PCDHGA11: variants seen among roughly 807,000 people sequenced by gnomAD.
PCDHGA11 encodes protocadherin gamma-A11.
A neutral mutation model predicts 60.4 loss-of-function variants in PCDHGA11; 39 were observed. The observed-to-expected ratio is 0.65, with a 90% CI of 0.50 to 0.84. The LOEUF is 0.84. Ranked by LOEUF, PCDHGA11 falls within the 40% of genes least tolerant of loss-of-function variation. The pLI, the probability that PCDHGA11 is intolerant of heterozygous loss-of-function variation, is 0.00. For missense variants in PCDHGA11, 1,165 were observed against 1,197.7 expected (o/e 0.97, Z 0.40); for synonymous variants, 533 against 510.3 (o/e 1.04, Z -0.60).
rs1471863168 is a variant in PCDHGA11, at chr5:141,476,550, G to A, written c.2434-18257G>A. ...ACCCAGGAAATGAAATTGGAGATTA[G>A]CGAGGCCGTGGCTCCGGGGACGCGC... On this transcript the variant is annotated intron_variant, in intron 1 of 3. Transcript: ENST00000398587. The surrounding 1 kb of genome is among the most constrained non-coding windows in gnomAD (Gnocchi z 7.6). 1.2e-6 allele frequency: 2 copies of A among 1,614,110 alleles called. No individual in the cohort carries two copies. The highest frequency in any genetic ancestry group is 4.5e-5 in the East Asian group (2 of 44,884).
Position 141,489,068 on chromosome 5 carries a change from G to GC in PCDHGA11, c.2434-5736dup. ...CTCAAATTCAGCTCCCCTCCCCCCT[G>GC]CCCACCCCCGCCACTCGGTGACTAA... On this transcript the variant is annotated intron_variant, in intron 1 of 3. Transcript: ENST00000398587. The surrounding 1 kb of genome is among the most constrained non-coding windows in gnomAD (Gnocchi z 4.5). 3 of 291,558 alleles carry GC rather than the reference G, an allele frequency of 1.0e-5. No homozygotes were observed. Among genetic ancestry groups the GC allele is most frequent in the Admixed American group, 5.4e-5 (1 of 18,530 alleles). 18.1% of individuals were successfully genotyped at this position (291,558 alleles called of 1,614,324 possible).
chr5:141,422,480 G>A lies in PCDHGA11; in HGVS notation c.1253G>A (p.Ser418Asn). 2 of 1,613,906 alleles carry A rather than the reference G, an allele frequency of 1.2e-6. No individual in the cohort carries two copies. Among genetic ancestry groups the A allele is most frequent in the South Asian group, 2.2e-5 (2 of 91,082 alleles). Residue 418 changes from serine (S) to asparagine (N), a missense_variant, in exon 1 of 4, where the codon AGC becomes AAC. Transcript: ENST00000398587. ...GTGCTGGACAGGGAGTTGGTCCAGA[G>A]CTACAATATAACGTTGACAGCCACA... ...SRVLDRELVQSYNITLTATDQ... is the reference protein window; with the variant it reads ...SRVLDRELVQNYNITLTATDQ...
chr5:141,466,573 C>T (rs2099125317), intron 1 of PCDHGA11, among the ~76,000 whole-genome samples: 1 of 152,104 alleles, frequency 6.6e-6, no homozygotes, highest in South Asian at 2.1e-4. Context: ...TCAACATTGT[C>T]TCATCCCTTC....
At chr5:141,433,358 C>CCTAT (rs3074541) in intron 1 of PCDHGA11, 148,925 of 502,316 alleles carry the variant, frequency 0.3, 18,760 homozygotes, top group East Asian at 0.33. Flanking sequence ...CTACTGTCTG[C>CCTAT]CTATCTATCT....
intron 2 of PCDHGA11, among the ~76,000 whole-genome samples, chr5:141,502,783 G>A (rs2099816035): frequency 6.6e-6 from 1 of 151,652 alleles, no homozygotes; most frequent in African/African-American, 2.4e-5. Context: ...AAAATTACCT[G>A]GATGATTTCT....
chr5:141,474,608 T>G (rs1469173973), intron 1 of PCDHGA11, among the ~76,000 whole-genome samples: 1 of 152,268 alleles, frequency 6.6e-6, no homozygotes, highest in Non-Finnish European at 1.5e-5. Flanking sequence ...AGGTCACATA[T>G]GGCTTTTCAT....
At chr5:141,492,834 G>T (rs544218873) in intron 1 of PCDHGA11, among the ~76,000 whole-genome samples, 36 of 152,332 alleles carry the variant, frequency 2.4e-4, no homozygotes, top group Non-Finnish European at 4.1e-4. Flanking sequence ...CCTTCCTCCC[G>T]CAGGAAGTGA....
In PCDHGA11 at chr5:141,431,463, C is replaced by T. The variant is rs139195027; in HGVS notation, c.2433+7803C>T. Reference sequence around the variant, plus strand: ...CGCATCCGCGTGATGGTTCTGGATGCGAACGACAACGCACCAGCGTTTGCT... The same window carrying T: ...CGCATCCGCGTGATGGTTCTGGATGTGAACGACAACGCACCAGCGTTTGCT... On this transcript the variant is annotated intron_variant, in intron 1 of 3. Transcript: ENST00000398587. The surrounding 1 kb of genome is among the most constrained non-coding windows in gnomAD (Gnocchi z 4.8). The T allele has an allele frequency of 3.5e-3, 5,640 of 1,613,740 alleles. 51 individuals are homozygous for T. Among genetic ancestry groups the T allele is most frequent in the South Asian group, 0.02 (1,825 of 91,088 alleles).
chr5:141,492,870 C>G (rs2099744684), intron 1 of PCDHGA11, among the ~76,000 whole-genome samples: 1 of 152,192 alleles, frequency 6.6e-6, no homozygotes, highest in African/African-American at 2.4e-5. Flanking sequence ...TGGCTCTCAA[C>G]CCCCAGAGAT....
intron 1 of PCDHGA11, among the ~76,000 whole-genome samples, chr5:141,449,974 A>T (rs2098661108): frequency 6.6e-6 from 1 of 151,260 alleles, no homozygotes; most frequent in African/African-American, 2.4e-5. Context: ...TTTAGTCCAA[A>T]ATATCACACA....
Position 141,427,133 on chromosome 5 carries a change from A to AGAT in PCDHGA11, c.2433+3477_2433+3479dup, listed in dbSNP as rs370316028. 2.9e-4 allele frequency: 134 copies of AGAT among 457,190 alleles called. 1 individual carries two copies. The highest frequency in any genetic ancestry group is 2.4e-3 in the African/African-American group (123 of 50,216). The allele number at this position is 457,190 out of a possible 1,614,324, so 28.3% of individuals were successfully genotyped here. On this transcript the variant is annotated intron_variant, in intron 1 of 3. Transcript: ENST00000398587. ...TCACCTACTCTTTCAAATCCCTACG[A>AGAT]GATGATATTGGAAATATGTTTGTGC...
chr5:141,461,269 TTC>T (rs1316205976), intron 1 of PCDHGA11, among the ~76,000 whole-genome samples: 4 of 152,186 alleles, frequency 2.6e-5, no homozygotes, highest in Admixed American at 2.0e-4. Flanking sequence ...TGTGTAAGTG[TTC>T]TCTTTTCCCC....
intron 1 of PCDHGA11, chr5:141,429,222 T>C (rs897099159): frequency 6.6e-6 from 1 of 151,494 alleles, no homozygotes; most frequent in Non-Finnish European, 1.5e-5. Context: ...AAAGTGGGTA[T>C]TATGATACTG....
chr5:141,433,837 CAAA>C (rs56191208), intron 1 of PCDHGA11, among the ~76,000 whole-genome samples: 5 of 111,684 alleles, frequency 4.5e-5, no homozygotes, highest in Admixed American at 2.0e-4. Flanking sequence ...AACTCTATCT[CAAA>C]AAAAAAAAAA....
chr5:141,423,943 G>GA, intron 1 of PCDHGA11: 1 of 1,211,382 alleles, frequency 8.3e-7, no homozygotes, highest in Non-Finnish European at 1.0e-6. Flanking sequence ...GAAGTAAGTT[G>GA]AATTTTAGTA....
chr5:141,489,290 G>A lies in PCDHGA11; in HGVS notation c.2434-5517G>A. 6.3e-7 allele frequency: 1 copy of A among 1,577,514 alleles called. No individual in the cohort carries two copies. The highest frequency in any genetic ancestry group is 8.6e-7 in the Non-Finnish European group (1 of 1,162,002). ...CTCGCTGGGAAATGGCAAGTGCTGT[G>A]CATGTTGTCCTTGTGCTGCTGGGGC... On this transcript the variant is annotated intron_variant, in intron 1 of 3. Transcript: ENST00000398587. This position sits in a 1 kb window ranked among gnomAD's most constrained non-coding sequence, Gnocchi z 4.5.
In PCDHGA11 at chr5:141,428,146, C is replaced by G. The variant is rs549173211; in HGVS notation, c.2433+4486C>G. The G allele has an allele frequency of 1.3e-5, 21 of 1,589,348 alleles. No individual in the cohort carries two copies. The East Asian group carries it at 4.0e-4, about 30-fold the overall frequency. Reference sequence around the variant, plus strand: ...GGGCTTTTCAGCCTGGGGCTGCACACGGGAACCTGCTGGTTGCTGTGCGTG... The same window carrying G: ...GGGCTTTTCAGCCTGGGGCTGCACAGGGGAACCTGCTGGTTGCTGTGCGTG... On this transcript the variant is annotated intron_variant, in intron 1 of 3. Transcript: ENST00000398587.
chr5:141,432,413 G>C lies in PCDHGA11; in HGVS notation c.2433+8753G>C, dbSNP rs369816901. 9 of 1,614,114 alleles carry C rather than the reference G, an allele frequency of 5.6e-6. No homozygotes were observed. The highest frequency in any genetic ancestry group is 1.3e-5 in the African/African-American group (1 of 74,946). ...CAGCAACGTGTCGTTGAGCCTGTTCGTGCTGGACCAGAACGACAATGCGCC... is the reference window on the plus strand; with the variant it reads ...CAGCAACGTGTCGTTGAGCCTGTTCCTGCTGGACCAGAACGACAATGCGCC... On this transcript the variant is annotated intron_variant, in intron 1 of 3. Coordinates refer to ENST00000398587, the MANE Select transcript of PCDHGA11 (RefSeq NM_018914.3). This position sits in a 1 kb window ranked among gnomAD's most constrained non-coding sequence, Gnocchi z 6.0.
At position 141,450,006 on chromosome 5, in the gene PCDHGA11, C is replaced by CTATTTTTTTTTTT. The variant is rs70988802; in HGVS notation, c.2433+26347_2433+26348insATTTTTTTTTTTT. Among the ~76,000 whole-genome samples, 4 of 132,982 alleles carry CTATTTTTTTTTTT rather than the reference C, an allele frequency of 3.0e-5. 1 individual carries two copies. The highest frequency in any genetic ancestry group is 5.6e-5 in the African/African-American group (2 of 35,576). 87.2% of individuals were successfully genotyped at this position (132,982 alleles called of 152,430 possible). A position where few individuals can be genotyped will look rare whatever the true frequency, so the allele number is the denominator to read the frequency against. Reference sequence around the variant, plus strand: ...CACATTGCATTTAGTTGCCATGTCTCTTTTTTTTTTTTTTTTTTGAGACAG... The same window carrying CTATTTTTTTTTTT: ...CACATTGCATTTAGTTGCCATGTCTCTATTTTTTTTTTTTTTTTTTTTTTTTTTTTTGAGACAG... On this transcript the variant is annotated intron_variant, in intron 1 of 3. Transcript: ENST00000398587.
Sources: allele counts gnomAD v4.1 joint callset (sites outside exome capture counted in the v4.1 genomes callset), GRCh38; gene constraint gnomAD v4.1.1; non-coding constraint Gnocchi (gnomAD v3.1); transcripts MANE v1.5; gene names NCBI Gene and HGNC (gene_info 2026-07-23, HGNC 2026-07-21).